Variants in BUB1B observed in about 807,000 individuals in gnomAD.
BUB1B encodes the protein BUB1 mitotic checkpoint serine/threonine kinase B, also known as mitotic checkpoint serine/threonine-protein kinase BUB1 beta.
In BUB1B, 86 loss-of-function variants were observed where a neutral mutation model predicts 137.7. The ratio of observed to expected loss-of-function variants is 0.62; its 90% confidence interval spans 0.52 to 0.75. The LOEUF is 0.75. Among genes scored for constraint, BUB1B ranks in the 30% least tolerant of loss-of-function variants. The pLI is 0.00. For missense variants in BUB1B, 1,130 were observed against 1,236.9 expected (o/e 0.91, Z 1.30); for synonymous variants, 420 against 417.9 (o/e 1.00, Z -0.06).
chr15:40,179,407 C>G (rs1320206506), intron 5 of BUB1B, among the ~76,000 whole-genome samples: 1 of 151,990 alleles, frequency 6.6e-6, no homozygotes, highest in Non-Finnish European at 1.5e-5. Flanking sequence ...TTTCTTTTTA[C>G]CCTTTTGTTA....
At chr15:40,182,825 A>T (rs1408607022) in intron 5 of BUB1B, among the ~76,000 whole-genome samples, 1 of 152,208 alleles carries the variant, frequency 6.6e-6, no homozygotes, top group Non-Finnish European at 1.5e-5. Context: ...CCACTGCAAC[A>T]GTTCAAAACC....
chr15:40,211,030 G>C (rs1311366242), intron 18 of BUB1B, among the ~76,000 whole-genome samples: 4 of 152,050 alleles, frequency 2.6e-5, no homozygotes, highest in African/African-American at 9.7e-5. Context: ...TTTCCCCTCA[G>C]TTTTCTCTGT....
intron 4 of BUB1B, among the ~76,000 whole-genome samples, chr15:40,176,158 C>A (rs1054392852): frequency 3.9e-5 from 6 of 152,062 alleles, no homozygotes; most frequent in Non-Finnish European, 8.8e-5. Context: ...GTTATGTTGC[C>A]CAGGCTTGTC....
chr15:40,212,339 C>G (rs1165499021), intron 18 of BUB1B, among the ~76,000 whole-genome samples, 160 bp from the exon 19 acceptor site: 2 of 152,210 alleles, frequency 1.3e-5, no homozygotes. Context: ...TATCCTCTTT[C>G]CAGAATTTGT....
At chr15:40,183,617 C>G (rs981879563) in intron 5 of BUB1B, 97 bp from the exon 6 acceptor site, 44 of 1,073,126 alleles carry the variant, frequency 4.1e-5, no homozygotes, top group Non-Finnish European at 6.0e-5. Flanking sequence ...CTTCCCCCAG[C>G]CTGCTCTTCT....
intron 12 of BUB1B, among the ~76,000 whole-genome samples, chr15:40,202,107 T>C (rs2037578677): frequency 6.6e-6 from 1 of 152,218 alleles, no homozygotes; most frequent in Admixed American, 6.5e-5. Flanking sequence ...TTTAGAAATA[T>C]ATACTGAAAT....
chr15:40,187,864 T>C (rs751142976), intron 8 of BUB1B, among the ~76,000 whole-genome samples: 2 of 152,144 alleles, frequency 1.3e-5, no homozygotes, highest in Admixed American at 6.5e-5. Flanking sequence ...ACTGCACCAC[T>C]GCACTCTAGC....
chr15:40,180,744 G>A (rs2037282076), intron 5 of BUB1B, among the ~76,000 whole-genome samples: 1 of 146,814 alleles, frequency 6.8e-6, no homozygotes, highest in Non-Finnish European at 1.5e-5. Context: ...CCGCCTCCTG[G>A]GATTACGCCA....
At chr15:40,211,998 G>T (rs1032325804) in intron 18 of BUB1B, among the ~76,000 whole-genome samples, 1 of 152,120 alleles carries the variant, frequency 6.6e-6, no homozygotes, top group Non-Finnish European at 1.5e-5. Flanking sequence ...CTAATTTTTT[G>T]TATTTTTAGC....
intron 8 of BUB1B, among the ~76,000 whole-genome samples, chr15:40,192,545 G>A (rs550497052): frequency 6.6e-6 from 1 of 152,132 alleles, no homozygotes; most frequent in African/African-American, 2.4e-5. Flanking sequence ...TGCTCCATTT[G>A]TTCATCCCTT....
At chr15:40,192,784 G>A (rs535245291) in intron 8 of BUB1B, among the ~76,000 whole-genome samples, 3 of 152,220 alleles carry the variant, frequency 2.0e-5, no homozygotes, top group South Asian at 2.1e-4. Context: ...TTATCCATTC[G>A]CCCACAGGAG....
chr15:40,216,778 A>G (rs1211483117), intron 20 of BUB1B, among the ~76,000 whole-genome samples: 1 of 151,706 alleles, frequency 6.6e-6, no homozygotes, highest in East Asian at 1.9e-4. Context: ...AATTGAGAAA[A>G]ACAGACAAAA....
intron 9 of BUB1B, among the ~76,000 whole-genome samples, chr15:40,197,358 G>A (rs929870414): frequency 7.9e-5 from 12 of 152,272 alleles, no homozygotes; most frequent in African/African-American, 2.6e-4. Context: ...GAAACAGGAA[G>A]CAGTTCTGAT....
intron 9 of BUB1B, among the ~76,000 whole-genome samples, chr15:40,197,273 G>A (rs955180393): frequency 4.6e-5 from 7 of 152,046 alleles, no homozygotes; most frequent in Non-Finnish European, 8.8e-5. Flanking sequence ...ATAGATATTC[G>A]TATTGTTTTT....
At chr15:40,212,401 T>TA in intron 18 of BUB1B, 98 bp from the exon 19 acceptor site, 1 of 913,996 alleles carries the variant, frequency 1.1e-6, no homozygotes, top group Non-Finnish European at 1.8e-6. Flanking sequence ...ATCTCTTTAT[T>TA]ATTTCTCTAT....
At chr15:40,193,320 A>G (rs1476309598) in intron 8 of BUB1B, among the ~76,000 whole-genome samples, 1 of 152,108 alleles carries the variant, frequency 6.6e-6, no homozygotes, top group East Asian at 1.9e-4. Flanking sequence ...GGCAGCATTC[A>G]GTGTTGTCAA....
chr15:40,164,792 G>A (rs928116742), intron 1 of BUB1B, among the ~76,000 whole-genome samples: 12 of 151,074 alleles, frequency 7.9e-5, no homozygotes, highest in African/African-American at 2.7e-4. Flanking sequence ...GTGAGCCACC[G>A]CACATAGCCA....
intron 8 of BUB1B, 34 bp downstream of exon 8, chr15:40,185,676 A>C (rs2037352912): frequency 6.3e-7 from 1 of 1,584,288 alleles, no homozygotes; most frequent in Non-Finnish European, 8.7e-7. Flanking sequence ...TGAAGTGGGA[A>C]TTATTAAGGG....
intron 5 of BUB1B, among the ~76,000 whole-genome samples, chr15:40,181,788 A>C (rs1019192994): frequency 2.0e-5 from 3 of 152,188 alleles, no homozygotes; most frequent in Non-Finnish European, 2.9e-5. Context: ...GTATTTTTCA[A>C]TTCTAAAATT....
Sources: allele counts gnomAD v4.1 joint callset (sites outside exome capture counted in the v4.1 genomes callset), GRCh38; gene constraint gnomAD v4.1.1; transcripts MANE v1.5; gene names NCBI Gene and HGNC (gene_info 2026-07-23, HGNC 2026-07-21).